The following CHRM2 variants were observed in gnomAD, a reference collection of about 807,000 sequenced individuals.
CHRM2 encodes cholinergic receptor muscarinic 2.
Under a neutral mutation model 25.0 loss-of-function variants are expected in CHRM2, and 8 were observed. The observed-to-expected ratio is 0.32, with a 90% CI of 0.19 to 0.58. CHRM2 has a LOEUF of 0.58. CHRM2 is among the 20% of genes least tolerant of loss of function. The pLI is 0.88. For missense variants in CHRM2, 440 were observed against 567.1 expected (o/e 0.78, Z 2.28); for synonymous variants, 202 against 205.7 (o/e 0.98, Z 0.15).
chr7:136,916,274 G>A (rs1798105077), intron 2 of CHRM2, among the ~76,000 whole-genome samples: 1 of 151,788 alleles, frequency 6.6e-6, no homozygotes, highest in Non-Finnish European at 1.5e-5. Flanking sequence ...TTAGAAATAA[G>A]AAAAACTCAA....
At chr7:136,924,466 G>T (rs544907901) in intron 2 of CHRM2, among the ~76,000 whole-genome samples, 3 of 150,528 alleles carry the variant, frequency 2.0e-5, no homozygotes, top group Middle Eastern at 3.5e-3. Flanking sequence ...GCGTTGTTTG[G>T]TTTTTTGTCT....
intron 2 of CHRM2, among the ~76,000 whole-genome samples, chr7:136,970,611 G>C (rs1344239715): frequency 6.6e-6 from 1 of 152,042 alleles, no homozygotes; most frequent in Non-Finnish European, 1.5e-5. Flanking sequence ...AAAGATAATT[G>C]CTTGCTTGAA....
chr7:136,875,174 A>C (rs558814681), intron 2 of CHRM2, among the ~76,000 whole-genome samples: 57 of 150,498 alleles, frequency 3.8e-4, no homozygotes, highest in African/African-American at 1.3e-3. Flanking sequence ...ATATATATAT[A>C]TATCTCCAGC....
chr7:136,924,443 T>C (rs889339903), intron 2 of CHRM2, among the ~76,000 whole-genome samples: 1 of 147,396 alleles, frequency 6.8e-6, no homozygotes, highest in Non-Finnish European at 1.5e-5. Flanking sequence ...TTCCCACCTA[T>C]GAGTGAGAAC....
At chr7:136,931,083 G>A (rs960338975) in intron 2 of CHRM2, among the ~76,000 whole-genome samples, 1 of 152,066 alleles carries the variant, frequency 6.6e-6, no homozygotes, top group African/African-American at 2.4e-5. Context: ...ATTCGTTCTA[G>A]TTTTCAATGG....
intron 2 of CHRM2, among the ~76,000 whole-genome samples, chr7:136,918,358 A>C (rs1183245150): frequency 1.3e-5 from 2 of 152,112 alleles, no homozygotes; most frequent in Non-Finnish European, 2.9e-5. Context: ...GTTACTAACA[A>C]CTAGTATTTT....
intron 3 of CHRM2, among the ~76,000 whole-genome samples, chr7:136,997,352 T>C (rs1277358313): frequency 6.6e-6 from 1 of 152,182 alleles, no homozygotes; most frequent in Non-Finnish European, 1.5e-5. Context: ...TCCCCTGAAG[T>C]TGGCTAGAAG....
At chr7:136,932,016 T>C (rs2130782968) in intron 2 of CHRM2, among the ~76,000 whole-genome samples, 1 of 152,314 alleles carries the variant, frequency 6.6e-6, no homozygotes, top group East Asian at 1.9e-4. Flanking sequence ...TCTGAGATTT[T>C]TGGAAAACTC....
At chr7:136,999,826 T>A (rs1324511145) in intron 3 of CHRM2, among the ~76,000 whole-genome samples, 1 of 152,138 alleles carries the variant, frequency 6.6e-6, no homozygotes, top group African/African-American at 2.4e-5. Context: ...TCTGGAAATG[T>A]TGGTGAACGG....
chr7:136,950,472 G>A (rs768991083), intron 2 of CHRM2, among the ~76,000 whole-genome samples: 2 of 152,068 alleles, frequency 1.3e-5, no homozygotes, highest in Admixed American at 6.6e-5. Flanking sequence ...GAGGAGTGGG[G>A]GTTATTTGCC....
rs1795740492 is a variant in CHRM2, at chr7:136,869,757, C to G, written c.-125+339C>G. ...CCCGGCGTCGCTCCCTATTCCAGCC[C>G]CCCATTCCCTCTACTGTTGCTGACC... is the stretch of plus-strand genomic sequence containing the variant. On this transcript the variant is annotated intron_variant, in intron 2 of 3. Coordinates refer to ENST00000680005, the MANE Select transcript of CHRM2 (RefSeq NM_001006630.2). This position sits in a 1 kb window ranked among gnomAD's most constrained non-coding sequence, Gnocchi z 4.9. 1 of 152,586 alleles carries G rather than the reference C, an allele frequency of 6.6e-6. No individual in the cohort carries two copies. The highest frequency in any genetic ancestry group is 2.1e-4 in the South Asian group (1 of 4,840). The allele number at this position is 152,586 out of a possible 1,614,324, so 9.5% of individuals were successfully genotyped here.
intron 2 of CHRM2, among the ~76,000 whole-genome samples, chr7:136,961,654 T>A (rs1801089625): frequency 6.6e-6 from 1 of 151,692 alleles, no homozygotes; most frequent in South Asian, 2.1e-4. Context: ...TTTATTTATA[T>A]ATGAGTTATA....
chr7:136,946,344 G>A (rs1374080151), intron 2 of CHRM2, among the ~76,000 whole-genome samples: 3 of 152,130 alleles, frequency 2.0e-5, no homozygotes, highest in Admixed American at 6.6e-5. Flanking sequence ...TTTATTTAAT[G>A]CCTGCCAATT....
Position 137,015,455 on chromosome 7 carries a change from T to C in CHRM2, c.590T>C (p.Leu197Ser). 6.2e-7 allele frequency: 1 copy of C among 1,613,342 alleles called. No individual in the cohort carries two copies. The highest frequency in any genetic ancestry group is 8.5e-7 in the Non-Finnish European group (1 of 1,179,616). The change falls in exon 4 of 4, where the codon TTG becomes TCG. Residue 197 changes from leucine (L) to serine (S), a missense_variant. Around this residue, in one of 5 missense-constraint regions of CHRM2, gnomAD observed 261 missense variants for 261.8 expected, o/e 1.00. Coordinates refer to ENST00000680005, the MANE Select transcript of CHRM2 (RefSeq NM_001006630.2). The surrounding 1 kb of genome is among the most constrained non-coding windows in gnomAD (Gnocchi z 5.1). Reference sequence around the variant, plus strand: ...GGTACGGCTATTGCAGCCTTCTATTTGCCAGTGATCATCATGACTGTGCTA... The same window carrying C: ...GGTACGGCTATTGCAGCCTTCTATTCGCCAGTGATCATCATGACTGTGCTA... ...TFGTAIAAFY[L>S]PVIIMTVLYW...
intron 3 of CHRM2, among the ~76,000 whole-genome samples, chr7:137,002,129 T>TTTTGTTTTGTTTTG (rs1320764862): frequency 6.6e-6 from 1 of 152,106 alleles, no homozygotes; most frequent in African/African-American, 2.4e-5. Context: ...CTTTCTGGTT[T>TTTTGTTTTGTTTTG]TTTGTTTTGT....
chr7:136,942,298 A>G (rs1240297520), intron 2 of CHRM2, among the ~76,000 whole-genome samples: 1 of 152,178 alleles, frequency 6.6e-6, no homozygotes, highest in Non-Finnish European at 1.5e-5. Context: ...AGCAAACCAC[A>G]GCAAATGTTT....
intron 2 of CHRM2, among the ~76,000 whole-genome samples, chr7:136,886,834 C>T (rs1027580125): frequency 1.3e-5 from 2 of 152,132 alleles, no homozygotes; most frequent in African/African-American, 4.8e-5. Flanking sequence ...GATTGCACCA[C>T]TGCACACTAC....
At chr7:136,991,220 G>GT (rs928075338) in intron 2 of CHRM2, among the ~76,000 whole-genome samples, 2 of 152,058 alleles carry the variant, frequency 1.3e-5, no homozygotes, top group Admixed American at 6.6e-5. Context: ...AAGTCATGTA[G>GT]TTTTTTCCCA....
At chr7:136,987,182 A>T (rs1406610746) in intron 2 of CHRM2, among the ~76,000 whole-genome samples, 5 of 152,018 alleles carry the variant, frequency 3.3e-5, no homozygotes, top group Non-Finnish European at 1.5e-5. Flanking sequence ...TCAGGTTCAC[A>T]GGTCCCTTTC....
Sources: allele counts gnomAD v4.1 joint callset (sites outside exome capture counted in the v4.1 genomes callset), GRCh38; gene constraint gnomAD v4.1.1; regional missense constraint gnomAD v4.1.1; non-coding constraint Gnocchi (gnomAD v3.1); transcripts MANE v1.5; gene names NCBI Gene and HGNC (gene_info 2026-07-23, HGNC 2026-07-21).